Variants in PANK2 observed in about 807,000 individuals in gnomAD.
The protein encoded by PANK2 is pantothenate kinase 2.
A neutral mutation model predicts 43.1 loss-of-function variants in PANK2; 36 were observed. The ratio of observed to expected loss-of-function variants is 0.84; its 90% CI spans 0.64 to 1.10. The LOEUF is 1.10. PANK2 is among the 50% of genes least tolerant of loss of function. The pLI is 0.00. For missense variants in PANK2, 576 were observed against 593.3 expected (o/e 0.97, Z 0.30); for synonymous variants, 281 against 238.2 (o/e 1.18, Z -1.66).
chr20:3,900,957 TG>T (rs1032734278), intron 1 of PANK2, among the ~76,000 whole-genome samples: 1 of 151,628 alleles, frequency 6.6e-6, no homozygotes, highest in East Asian at 1.9e-4. Context: ...TTAGTAGAGA[TG>T]GGGGTTTCAC....
intron 1 of PANK2, among the ~76,000 whole-genome samples, chr20:3,897,311 A>G (rs2090225319): frequency 6.6e-6 from 1 of 152,184 alleles, no homozygotes; most frequent in South Asian, 2.1e-4. Flanking sequence ...TGGAGGTCTT[A>G]ATATCAGGAA....
chr20:3,889,267 A>G, upstream of PANK2: 1 of 1,611,902 alleles, frequency 6.2e-7, no homozygotes, highest in Non-Finnish European at 8.5e-7. Flanking sequence ...GGCACGGTCA[A>G]TCCTCCTCGA....
In PANK2 at chr20:3,889,695, C is replaced by A; in HGVS notation, c.265C>A (p.Gln89Lys). The A allele has an allele frequency of 6.3e-7, 1 of 1,596,040 alleles. No homozygotes were observed. The highest frequency in any genetic ancestry group is 8.5e-7 in the Non-Finnish European group (1 of 1,178,984). The change falls in exon 1 of 7, where the codon CAG becomes AAG. Residue 89 changes from glutamine (Q) to lysine (K), a missense_variant. Coordinates refer to ENST00000610179, the MANE Select transcript of PANK2 (RefSeq NM_001386393.1). ...CAGCGGCCCCACCTCGGTCTCCCGC[C>A]AGCGCGTCGAAAGCCTGAGGAAAAA...
upstream of PANK2, chr20:3,888,941 CCA>C: frequency 1.8e-6 from 1 of 569,376 alleles, no homozygotes; most frequent in Non-Finnish European, 3.0e-6. Flanking sequence ...CTGCCGACGA[CCA>C]GCGGCCAGAC....
chr20:3,901,372 C>G (rs1200214389), intron 1 of PANK2, among the ~76,000 whole-genome samples: 1 of 150,792 alleles, frequency 6.6e-6, no homozygotes, highest in Non-Finnish European at 1.5e-5. Context: ...GTACTTTTCC[C>G]CATTTCTTGT....
In PANK2 at chr20:3,926,266, G is replaced by A. The variant is rs2090718266; in HGVS notation, c.*2972G>A. The A allele has an allele frequency of 6.6e-6, 1 of 152,284 alleles. No individual in the cohort carries two copies. The highest frequency in any genetic ancestry group is 6.5e-5 in the Admixed American group (1 of 15,282). The allele number at this position is 152,284 out of a possible 1,614,324, so 9.4% of individuals were successfully genotyped here. A position where few individuals can be genotyped will look rare whatever the true frequency, so the allele number is the denominator to read the frequency against. On this transcript the variant is annotated 3_prime_UTR_variant, in exon 7 of 7. Coordinates refer to ENST00000610179, the MANE Select transcript of PANK2 (RefSeq NM_001386393.1). ...TGCATGTAGGTGGGCAAAGCAAGGG[G>A]GATTTCATGAGTTCTAAGGTAGGGT...
chr20:3,916,850 C>T (rs913547355), intron 4 of PANK2, 77 bp from the exon 5 acceptor site: 3 of 1,589,316 alleles, frequency 1.9e-6, no homozygotes, highest in African/African-American at 2.7e-5. Flanking sequence ...AATTTTATTT[C>T]AATAAAGTAA....
chr20:3,899,027 A>G (rs1423405525), intron 1 of PANK2, among the ~76,000 whole-genome samples: 3 of 151,658 alleles, frequency 2.0e-5, no homozygotes, highest in Non-Finnish European at 4.4e-5. Context: ...GGTGCCCACC[A>G]CTGCACCTGG....
rs2090485340 is a variant in PANK2, at chr20:3,912,594, T to C, written c.1042T>C (p.Tyr348His). Residue 348 changes from tyrosine to histidine, a missense_variant, in exon 4 of 7, where the codon TAT becomes CAT. Coordinates refer to ENST00000610179, the MANE Select transcript of PANK2 (RefSeq NM_001386393.1). The stretch of plus-strand genomic sequence containing the variant: ...AGTACGAGATATTTATGGAGGGGAC[T>C]ATGAGAGGTTTGGACTGCCAGGCTG... The C allele has an allele frequency of 1.2e-6, 2 of 1,613,946 alleles. No individual in the cohort carries two copies. Among genetic ancestry groups the C allele is most frequent in the Non-Finnish European group, 1.7e-6 (2 of 1,180,018 alleles).
At position 3,912,617 on chromosome 20, in the gene PANK2, C is replaced by G. The variant is rs564606657; in HGVS notation, c.1065C>G (p.Gly355=). 4.0e-5 allele frequency: 65 copies of G among 1,613,912 alleles called. No individual in the cohort carries two copies. The South Asian group carries it at 6.5e-4, about 16-fold the overall frequency. The stretch of plus-strand genomic sequence containing the variant: ...ACTATGAGAGGTTTGGACTGCCAGG[C>G]TGGGCTGTGGCTTCAAGGTAAGGGG... Residue 355 remains glycine, a synonymous_variant, in exon 4 of 7, where the codon GGC becomes GGG. Transcript: ENST00000610179.
chr20:3,914,081 G>A (rs142085685), intron 4 of PANK2, among the ~76,000 whole-genome samples: 1,831 of 152,014 alleles, frequency 0.012, 23 homozygotes, highest in Middle Eastern at 0.048. Context: ...GAGCCACTGC[G>A]CCTGGCCTGC....
At chr20:3,913,589 C>T (rs1230608853) in intron 4 of PANK2, among the ~76,000 whole-genome samples, 1 of 152,060 alleles carries the variant, frequency 6.6e-6, no homozygotes, top group Non-Finnish European at 1.5e-5. Flanking sequence ...GCCGCCTCAG[C>T]CTCCCAAAGT....
upstream of PANK2, chr20:3,888,957 G>C: frequency 1.7e-6 from 1 of 581,922 alleles, no homozygotes; most frequent in Non-Finnish European, 2.8e-6. Context: ...GCCAGACGCT[G>C]CGGGAGCACT....
intron 1 of PANK2, 194 bp downstream of exon 1, chr20:3,889,922 C>A (rs768053594): frequency 6.5e-7 from 1 of 1,531,770 alleles, no homozygotes; most frequent in Non-Finnish European, 8.7e-7. Context: ...GGGGCCCCCC[C>A]GCACCCATTG....
At chr20:3,905,788 T>C (rs1167304792) in intron 1 of PANK2, among the ~76,000 whole-genome samples, 1 of 143,990 alleles carries the variant, frequency 6.9e-6, no homozygotes, top group Non-Finnish European at 1.5e-5. Context: ...CTGTCTTGGC[T>C]CACTGAAACC....
chr20:3,896,729 A>T (rs190059706), intron 1 of PANK2, among the ~76,000 whole-genome samples: 1 of 152,340 alleles, frequency 6.6e-6, no homozygotes, highest in African/African-American at 2.4e-5. Flanking sequence ...GGATGGCCAA[A>T]CAAGAGGTTC....
chr20:3,906,068 T>TAC (rs1321160182), intron 1 of PANK2, among the ~76,000 whole-genome samples: 2 of 152,132 alleles, frequency 1.3e-5, no homozygotes, highest in Non-Finnish European at 2.9e-5. Flanking sequence ...GGGAAGCATG[T>TAC]ACAGATGCTT....
intron 4 of PANK2, among the ~76,000 whole-genome samples, chr20:3,913,877 C>T (rs1290445195): frequency 6.6e-6 from 1 of 150,494 alleles, no homozygotes; most frequent in Admixed American, 6.7e-5. Context: ...CAAGCTCTAG[C>T]TCCTGGGTTC....
intron 5 of PANK2, among the ~76,000 whole-genome samples, 159 bp downstream of exon 5, chr20:3,917,209 C>CTT (rs368246657): frequency 7.0e-6 from 1 of 143,188 alleles, no homozygotes; most frequent in Admixed American, 7.0e-5. Context: ...GATTAATCTT[C>CTT]TTTTTTTTTT....
Sources: allele counts gnomAD v4.1 joint callset (sites outside exome capture counted in the v4.1 genomes callset), GRCh38; gene constraint gnomAD v4.1.1; transcripts MANE v1.5; gene names NCBI Gene and HGNC (gene_info 2026-07-23, HGNC 2026-07-21).